The following GRM3 variants were observed in gnomAD, a reference collection of about 807,000 sequenced individuals.
The protein encoded by GRM3 is glutamate metabotropic receptor 3, also known as metabotropic glutamate receptor 3.
A neutral mutation model predicts 70.5 loss-of-function variants in GRM3; 26 were observed. That is an observed-to-expected ratio of 0.37 (90% CI 0.27 to 0.51). The LOEUF is 0.51. Among genes scored for constraint, GRM3 ranks in the 20% least tolerant of loss-of-function variants. The pLI, the probability that GRM3 is intolerant of heterozygous loss-of-function variation, is 0.93. For synonymous variants in GRM3, 443 were observed against 434.9 expected, an observed-to-expected ratio of 1.02 and a Z score of -0.23; for missense variants, 859 against 1,123.8, an observed-to-expected ratio of 0.76 and a Z score of 3.37.
chr7:86,787,147 G>A, intron 3 of GRM3, 31 bp downstream of exon 3: 1 of 1,544,058 alleles, frequency 6.5e-7, no homozygotes, highest in South Asian at 1.2e-5. Flanking sequence ...CATCTTCTCA[G>A]ATGCAAACAA....
chr7:86,698,539 A>ATATATATATATATATATATAT (rs1562829891), intron 1 of GRM3, among the ~76,000 whole-genome samples: 12 of 139,644 alleles, frequency 8.6e-5, no homozygotes, highest in African/African-American at 3.3e-4. Context: ...TATATATATA[A>ATATATATATATATATATATAT]AATACACATT....
At chr7:86,708,215 C>A (rs1472282428) in intron 1 of GRM3, among the ~76,000 whole-genome samples, 4 of 152,128 alleles carry the variant, frequency 2.6e-5, no homozygotes, top group African/African-American at 9.7e-5. Context: ...GCACCATAAG[C>A]CCCCTTCTTG....
chr7:86,742,002 C>T (rs1327430759), intron 1 of GRM3, among the ~76,000 whole-genome samples: 1 of 152,144 alleles, frequency 6.6e-6, no homozygotes, highest in African/African-American at 2.4e-5. Flanking sequence ...CATGAAGCTG[C>T]TATTCAGGCA....
At chr7:86,705,132 A>C (rs997636362) in intron 1 of GRM3, among the ~76,000 whole-genome samples, 1 of 151,996 alleles carries the variant, frequency 6.6e-6, no homozygotes, top group South Asian at 2.1e-4. Context: ...AAAATCTGGT[A>C]GGTAATGCTA....
chr7:86,858,428 T>C (rs1430541777), intron 5 of GRM3, among the ~76,000 whole-genome samples: 2 of 152,166 alleles, frequency 1.3e-5, no homozygotes, highest in East Asian at 1.9e-4. Flanking sequence ...TTAAATAAGG[T>C]GATCAGGGTG....
intron 3 of GRM3, among the ~76,000 whole-genome samples, chr7:86,811,655 G>T (rs1156371753): frequency 1.3e-5 from 2 of 151,796 alleles, no homozygotes; most frequent in African/African-American, 2.4e-5. Context: ...GGGCAAAATT[G>T]AAAGGAATCT....
rs1414074207 is a variant in GRM3, at chr7:86,850,408, T to C, written c.2430T>C (p.Ser810=). ...TTTMCISVSL[S]GFVVLGCLFA... is the part of the protein sequence containing the mutation. The stretch of plus-strand genomic sequence containing the variant: ...CCATGTGCATCTCTGTCAGCCTGAG[T>C]GGCTTTGTGGTCTTGGGCTGTTTGT... The change falls in exon 5 of 6, where the codon AGT becomes AGC. Residue 810 remains serine (S), a synonymous_variant. Coordinates refer to ENST00000361669, the MANE Select transcript of GRM3 (RefSeq NM_000840.3). The C allele has an allele frequency of 7.4e-6, 12 of 1,613,106 alleles. No individual in the cohort carries two copies. The highest frequency in any genetic ancestry group is 6.7e-5 in the Admixed American group (4 of 59,912).
intron 3 of GRM3, among the ~76,000 whole-genome samples, chr7:86,808,768 G>C (rs908018321): frequency 1.3e-5 from 2 of 152,060 alleles, no homozygotes; most frequent in Admixed American, 6.6e-5. Flanking sequence ...GGAAATATGG[G>C]GGAGAGCTTC....
chr7:86,750,095 G>A (rs996524186), intron 1 of GRM3, among the ~76,000 whole-genome samples: 9 of 152,034 alleles, frequency 5.9e-5, no homozygotes, highest in Non-Finnish European at 8.8e-5. Context: ...TAGTGAAAAA[G>A]AAAGCTGAGG....
At chr7:86,738,137 C>A (rs1437275019) in intron 1 of GRM3, among the ~76,000 whole-genome samples, 4 of 143,524 alleles carry the variant, frequency 2.8e-5, no homozygotes, top group Non-Finnish European at 5.9e-5. Context: ...ATGCTCCATG[C>A]CACCATAGGG....
intron 1 of GRM3, among the ~76,000 whole-genome samples, chr7:86,696,845 G>A (rs1009765560): frequency 7.2e-5 from 11 of 152,134 alleles, no homozygotes; most frequent in Non-Finnish European, 1.5e-4. Flanking sequence ...CCATTGTACA[G>A]ATGAGACAAC....
Position 86,817,562 on chromosome 7 carries a change from T to C in GRM3, c.1325-21277T>C, listed in dbSNP as rs554346721. Among the ~76,000 whole-genome samples, 60 of 152,144 alleles carry C rather than the reference T, an allele frequency of 3.9e-4. 1 individual carries two copies. The highest frequency in any genetic ancestry group is 3.4e-3 in the Middle Eastern group (1 of 294). On this transcript the variant is annotated intron_variant, in intron 3 of 5. Transcript: ENST00000361669. ...TTTAGGGCTAGCTTTTGATCATTTTTCATGTTAACTATTATGGAAAATTTA... is the reference window on the plus strand; with the variant it reads ...TTTAGGGCTAGCTTTTGATCATTTTCCATGTTAACTATTATGGAAAATTTA...
At chr7:86,694,866 T>C (rs992587116) in intron 1 of GRM3, among the ~76,000 whole-genome samples, 2 of 152,194 alleles carry the variant, frequency 1.3e-5, no homozygotes, top group East Asian at 3.9e-4. Context: ...ATAACTCTTA[T>C]TTTCGCTTCC....
chr7:86,696,800 C>G (rs1351085296), intron 1 of GRM3, among the ~76,000 whole-genome samples: 2 of 152,118 alleles, frequency 1.3e-5, no homozygotes, highest in African/African-American at 2.4e-5. Flanking sequence ...CTTGTGCTTT[C>G]CCAACTCTGT....
intron 5 of GRM3, among the ~76,000 whole-genome samples, chr7:86,854,920 T>G (rs1350138631): frequency 6.6e-6 from 1 of 152,168 alleles, no homozygotes; most frequent in African/African-American, 2.4e-5. Context: ...TGCAGTGATT[T>G]CCCAGGCTCC....
chr7:86,788,721 G>A (rs1445084375), intron 3 of GRM3, among the ~76,000 whole-genome samples: 4 of 152,110 alleles, frequency 2.6e-5, no homozygotes, highest in African/African-American at 9.7e-5. Flanking sequence ...TCAGGTATTC[G>A]TAAAAGGTAT....
chr7:86,800,366 A>G (rs911525454), intron 3 of GRM3, among the ~76,000 whole-genome samples: 14 of 152,150 alleles, frequency 9.2e-5, no homozygotes, highest in Non-Finnish European at 1.8e-4. Flanking sequence ...TGGTTTTCAG[A>G]AAAAAATAAT....
At chr7:86,746,709 G>C (rs1351873446) in intron 1 of GRM3, among the ~76,000 whole-genome samples, 1 of 151,960 alleles carries the variant, frequency 6.6e-6, no homozygotes, top group Non-Finnish European at 1.5e-5. Flanking sequence ...ATTTCACGGG[G>C]CTTATATATC....
intron 1 of GRM3, among the ~76,000 whole-genome samples, chr7:86,670,144 T>G (rs1794134414): frequency 6.6e-6 from 1 of 152,220 alleles, no homozygotes; most frequent in Admixed American, 6.6e-5. Flanking sequence ...TTGTCAGCTC[T>G]CTTTTCTTTT....
Sources: gnomAD v4.1 joint callset for allele counts (sites outside exome capture counted in the v4.1 genomes callset) on GRCh38, gnomAD v4.1.1 for gene constraint, MANE v1.5 for transcripts, NCBI Gene and HGNC (gene_info 2026-07-23, HGNC 2026-07-21) for gene names.